The following FAT4 variants were observed in gnomAD, a reference collection of about 807,000 sequenced individuals.
FAT4 encodes FAT atypical cadherin 4.
In FAT4, 84 loss-of-function variants were observed where a neutral mutation model predicts 303.9. The ratio of observed to expected loss-of-function variants is 0.28; its 90% CI spans 0.23 to 0.33. The LOEUF (loss-of-function observed/expected upper bound fraction) is 0.33. FAT4 is among the 10% of genes least tolerant of loss of function. FAT4 has a pLI of 1.00. For synonymous variants in FAT4, 2,307 were observed against 2,298.8 expected, an observed-to-expected ratio of 1.00 and a Z score of -0.10; for missense variants, 6,005 against 6,146.8, an observed-to-expected ratio of 0.98 and a Z score of 0.77.
At chr4:125,387,727 A>T (rs932336844) in intron 2 of FAT4, among the ~76,000 whole-genome samples, 15 of 152,148 alleles carry the variant, frequency 9.9e-5, no homozygotes, top group Non-Finnish European at 1.9e-4. Context: ...AGAGAAATAA[A>T]ACTCCCAGTA....
Position 125,452,101 on chromosome 4 carries a change from C to T in FAT4, c.11091C>T (p.Ser3697=). 2 of 1,614,164 alleles carry T rather than the reference C, an allele frequency of 1.2e-6. No individual in the cohort carries two copies. The highest frequency in any genetic ancestry group is 1.1e-5 in the South Asian group (1 of 91,078). Residue 3697 remains serine, a synonymous_variant, in exon 10 of 18, where the codon AGC becomes AGT. Transcript: ENST00000394329. ...SNDGVHSTVT[S]NIRVFFAGFS... is the part of the protein sequence containing the mutation. ...ATGGAGTTCACAGCACAGTCACGAG[C>T]AACATCCGAGTTTTCTTTGCTGGAT... is the stretch of plus-strand genomic sequence containing the variant.
At chr4:125,366,813 C>G (rs189058096) in intron 2 of FAT4, among the ~76,000 whole-genome samples, 1 of 152,004 alleles carries the variant, frequency 6.6e-6, no homozygotes, top group Non-Finnish European at 1.5e-5. Context: ...GAGATGGTAT[C>G]TCATTGTGGT....
chr4:125,341,891 C>T lies in FAT4; in HGVS notation c.5175+20305C>T, dbSNP rs578069697. On this transcript the variant is annotated intron_variant, in intron 2 of 17. Coordinates refer to ENST00000394329, the MANE Select transcript of FAT4 (RefSeq NM_001291303.3). ...TTCCAAAGACATTGATTTATTGAGA[C>T]TATGTGTGGCTTTTCATCATATACA... 2.7e-4 allele frequency among the ~76,000 whole-genome samples: 41 copies of T among 152,056 alleles called. 1 individual carries two copies. In the South Asian group the frequency reaches 8.5e-3, roughly 32 times the overall value.
At chr4:125,431,656 T>A (rs1725287822) in intron 7 of FAT4, among the ~76,000 whole-genome samples, 1 of 152,162 alleles carries the variant, frequency 6.6e-6, no homozygotes, top group Admixed American at 6.5e-5. Context: ...TAGAGTCTAT[T>A]ATAATTCTCA....
intron 11 of FAT4, among the ~76,000 whole-genome samples, chr4:125,467,846 G>A (rs1726718845): frequency 6.6e-6 from 1 of 152,130 alleles, no homozygotes; most frequent in Non-Finnish European, 1.5e-5. Context: ...GCTGAAAATT[G>A]TAGCATAATA....
Position 125,450,018 on chromosome 4 carries a change from A to T in FAT4, c.9008A>T (p.Lys3003Met), listed in dbSNP as rs1232828700. The part of the protein sequence containing the change: ...PVTKNVKVGT[K>M]LIRVTAIDDK... ...ACCAAAAATGTTAAGGTTGGTACGA[A>T]GTTAATCAGAGTTACAGCAATAGAT... The change falls in exon 10 of 18, where the codon AAG becomes ATG. Residue 3003 changes from lysine (K) to methionine (M), a missense_variant. Coordinates refer to ENST00000394329, the MANE Select transcript of FAT4 (RefSeq NM_001291303.3). 2 of 1,613,956 alleles carry T rather than the reference A, an allele frequency of 1.2e-6. No homozygotes were observed. The highest frequency in any genetic ancestry group is 1.7e-6 in the Non-Finnish European group (2 of 1,179,938).
At chr4:125,464,083 T>G (rs1021469310) in intron 11 of FAT4, among the ~76,000 whole-genome samples, 3 of 152,190 alleles carry the variant, frequency 2.0e-5, no homozygotes, top group African/African-American at 7.2e-5. Flanking sequence ...TTTTTTATTT[T>G]TGTTTTTTAC....
chr4:125,459,489 C>A (rs373828037), intron 10 of FAT4, among the ~76,000 whole-genome samples: 8 of 152,030 alleles, frequency 5.3e-5, no homozygotes, highest in Admixed American at 5.3e-4. Flanking sequence ...TTAAGCTATT[C>A]CCACTTTCCA....
intron 2 of FAT4, among the ~76,000 whole-genome samples, chr4:125,374,696 A>G (rs1733247734): frequency 6.6e-6 from 1 of 152,224 alleles, no homozygotes. Context: ...CATCTAACCC[A>G]GTGAAGTATG....
At chr4:125,419,118 A>G (rs1355358175) in intron 7 of FAT4, among the ~76,000 whole-genome samples, 2 of 152,160 alleles carry the variant, frequency 1.3e-5, no homozygotes, top group Non-Finnish European at 2.9e-5. Flanking sequence ...TCATGTTTGT[A>G]TCTATGATTG....
rs1725992226 is a variant in FAT4, at chr4:125,450,024, T to C, written c.9014T>C (p.Ile3005Thr). ...AATGTTAAGGTTGGTACGAAGTTAA[T>C]CAGAGTTACAGCAATAGATGACAAA... ...TKNVKVGTKL[I>T]RVTAIDDKDF... is the part of the protein sequence containing the mutation. Residue 3005 changes from isoleucine to threonine, a missense_variant, in exon 10 of 18, where the codon ATC (isoleucine) becomes ACC (threonine). Transcript: ENST00000394329. 1 of 1,613,964 alleles carries C rather than the reference T, an allele frequency of 6.2e-7. No individual in the cohort carries two copies. The highest frequency in any genetic ancestry group is 8.5e-7 in the Non-Finnish European group (1 of 1,179,946).
chr4:125,367,585 T>C (rs576905236), intron 2 of FAT4, among the ~76,000 whole-genome samples: 120 of 152,200 alleles, frequency 7.9e-4, no homozygotes, highest in Middle Eastern at 3.4e-3. Context: ...ATAGTTTAAA[T>C]AGCAGGTTGG....
At chr4:125,340,392 T>C (rs1299876005) in intron 2 of FAT4, among the ~76,000 whole-genome samples, 3 of 151,210 alleles carry the variant, frequency 2.0e-5, no homozygotes, top group African/African-American at 7.4e-5. Flanking sequence ...ACAACTCTTT[T>C]TTTTTTTTTG....
chr4:125,370,637 G>A (rs1487500275), intron 2 of FAT4, among the ~76,000 whole-genome samples: 3 of 152,028 alleles, frequency 2.0e-5, no homozygotes, highest in Admixed American at 2.0e-4. Context: ...GACAATATTC[G>A]CAATATTGAT....
At chr4:125,456,743 G>A (rs1178598468) in intron 10 of FAT4, among the ~76,000 whole-genome samples, 1 of 152,118 alleles carries the variant, frequency 6.6e-6, no homozygotes, top group African/African-American at 2.4e-5. Context: ...GGAAGACAGA[G>A]CTAATATACC....
At chr4:125,378,052 T>G (rs1270512715) in intron 2 of FAT4, among the ~76,000 whole-genome samples, 1 of 151,984 alleles carries the variant, frequency 6.6e-6, no homozygotes, top group Non-Finnish European at 1.5e-5. Flanking sequence ...TTTAGACAAT[T>G]AAAAACTTCG....
Position 125,491,709 on chromosome 4 carries a change from G to A in FAT4, c.14893G>A (p.Gly4965Ser). The change falls in exon 18 of 18, where the codon GGC (glycine) becomes AGC (serine). Residue 4965 changes from glycine (G) to serine (S), a missense_variant. Gly to Ser is a moderately conservative substitution (Grantham distance 56). Coordinates refer to ENST00000394329, the MANE Select transcript of FAT4 (RefSeq NM_001291303.3). The part of the protein sequence containing the change: ...LPEKAAANEE[G>S]KAGTTKPVPK... ...AGAAAAAGCAGCAGCAAATGAAGAA[G>A]GCAAAGCTGGGACAACTAAACCAGT... 1 of 1,614,078 alleles carries A rather than the reference G, an allele frequency of 6.2e-7. No homozygotes were observed. Among genetic ancestry groups the A allele is most frequent in the Non-Finnish European group, 8.5e-7 (1 of 1,179,966 alleles).
Position 125,491,610 on chromosome 4 carries a change from T to C in FAT4, c.14794T>C (p.Trp4932Arg). The C allele has an allele frequency of 6.2e-7, 1 of 1,614,166 alleles. No individual in the cohort carries two copies. The highest frequency in any genetic ancestry group is 8.5e-7 in the Non-Finnish European group (1 of 1,180,022). Residue 4932 changes from tryptophan (W) to arginine (R), a missense_variant, in exon 18 of 18, where the codon TGG (tryptophan) becomes CGG (arginine). Coordinates refer to ENST00000394329, the MANE Select transcript of FAT4 (RefSeq NM_001291303.3). ...KLGQQAGTFN[W>R]DNLLNWGPGF... ...AGGGCAGCAAGCAGGGACTTTCAAC[T>C]GGGACAACCTTTTGAACTGGGGCCC... is the stretch of plus-strand genomic sequence containing the variant.
intron 2 of FAT4, among the ~76,000 whole-genome samples, chr4:125,332,186 A>G (rs1731411789): frequency 1.5e-5 from 2 of 132,114 alleles, no homozygotes; most frequent in Admixed American, 7.9e-5. Context: ...TCCTTTCTCA[A>G]TTTCCTCAAC....
Sources: gnomAD v4.1 joint callset for allele counts (sites outside exome capture counted in the v4.1 genomes callset) on GRCh38, gnomAD v4.1.1 for gene constraint, MANE v1.5 for transcripts, NCBI Gene and HGNC (gene_info 2026-07-23, HGNC 2026-07-21) for gene names.